The following DNAJC5B variants were observed in gnomAD, a reference collection of about 807,000 sequenced individuals.
The protein encoded by DNAJC5B is dnaJ homolog subfamily C member 5B.
Under a neutral mutation model 24.7 loss-of-function variants are expected in DNAJC5B, and 23 were observed. The ratio of observed to expected loss-of-function variants is 0.93; its 90% CI spans 0.67 to 1.32. The LOEUF is 1.32. Ranked by LOEUF, DNAJC5B falls within the 40% of genes most tolerant of loss-of-function variation. The pLI is 0.00. For missense variants in DNAJC5B, 238 were observed against 240.8 expected (o/e 0.99, Z 0.08); for synonymous variants, 101 against 90.1 (o/e 1.12, Z -0.68).
At chr8:66,093,469 T>A (rs1376126156) in intron 5 of DNAJC5B, among the ~76,000 whole-genome samples, 1 of 152,176 alleles carries the variant, frequency 6.6e-6, no homozygotes, top group Admixed American at 6.5e-5. Context: ...GTGGTTCTAA[T>A]TTTTATCTCC....
At chr8:66,054,886 G>T (rs1449868743) in intron 3 of DNAJC5B, among the ~76,000 whole-genome samples, 1 of 152,132 alleles carries the variant, frequency 6.6e-6, no homozygotes, top group Non-Finnish European at 1.5e-5. Context: ...GCTGGGGTAG[G>T]GGAGGTGGGA....
At chr8:66,023,462 G>A (rs1806186336) in intron 1 of DNAJC5B, among the ~76,000 whole-genome samples, 1 of 152,026 alleles carries the variant, frequency 6.6e-6, no homozygotes, top group South Asian at 2.1e-4. Flanking sequence ...TAAAACCAGG[G>A]AAATTGACTA....
chr8:66,087,838 C>G (rs1202876282), intron 5 of DNAJC5B, among the ~76,000 whole-genome samples: 1 of 152,144 alleles, frequency 6.6e-6, no homozygotes, highest in Non-Finnish European at 1.5e-5. Flanking sequence ...CAGGGTACAG[C>G]CCCTGCAGCT....
At chr8:66,099,854 C>A in intron 5 of DNAJC5B, 83 bp from the exon 6 acceptor site, 3 of 1,255,686 alleles carry the variant, frequency 2.4e-6, no homozygotes, top group South Asian at 1.4e-5. Flanking sequence ...GTCATGAATT[C>A]AACAAAAATA....
At chr8:66,031,448 G>A (rs1391449648) in intron 1 of DNAJC5B, among the ~76,000 whole-genome samples, 1 of 152,124 alleles carries the variant, frequency 6.6e-6, no homozygotes, top group Non-Finnish European at 1.5e-5. Context: ...ATCATTAAAA[G>A]CAACCTATTT....
At chr8:66,039,787 C>A (rs1169622540) in intron 1 of DNAJC5B, among the ~76,000 whole-genome samples, 2 of 152,144 alleles carry the variant, frequency 1.3e-5, no homozygotes, top group Non-Finnish European at 2.9e-5. Flanking sequence ...AAAGGGGGAA[C>A]AATTCCCATT....
intron 1 of DNAJC5B, among the ~76,000 whole-genome samples, chr8:66,035,281 T>A (rs1416784637): frequency 6.6e-6 from 1 of 152,208 alleles, no homozygotes; most frequent in African/African-American, 2.4e-5. Flanking sequence ...AACTTTACAA[T>A]CCTGTTGTGG....
At chr8:66,061,662 T>C (rs1248687557) in intron 3 of DNAJC5B, among the ~76,000 whole-genome samples, 1 of 152,008 alleles carries the variant, frequency 6.6e-6, no homozygotes, top group Non-Finnish European at 1.5e-5. Flanking sequence ...ACTTAGATTA[T>C]GTGACATTTA....
At chr8:66,067,175 A>AAC in intron 3 of DNAJC5B, among the ~76,000 whole-genome samples, 1 of 140,452 alleles carries the variant, frequency 7.1e-6, no homozygotes, top group Admixed American at 7.2e-5. Context: ...GAAAGAACAC[A>AAC]CCCCCCACCC....
chr8:66,083,350 C>T (rs939071447), intron 5 of DNAJC5B, among the ~76,000 whole-genome samples: 5 of 152,012 alleles, frequency 3.3e-5, no homozygotes, highest in Non-Finnish European at 7.4e-5. Context: ...GAAAAATCTG[C>T]CTTTCCTCTA....
At chr8:66,042,929 G>T (rs1435973015) in intron 1 of DNAJC5B, among the ~76,000 whole-genome samples, 2 of 151,938 alleles carry the variant, frequency 1.3e-5, no homozygotes, top group Non-Finnish European at 2.9e-5. Flanking sequence ...GGACCCCACT[G>T]TGCCAAATTC....
At chr8:66,018,418 G>C (rs1806019506), upstream of DNAJC5B, among the ~76,000 whole-genome samples, 1 of 152,128 alleles carries the variant, frequency 6.6e-6, no homozygotes, top group Admixed American at 6.5e-5. Flanking sequence ...TACTAAGGAA[G>C]CTGAGGCAGA....
intron 3 of DNAJC5B, among the ~76,000 whole-genome samples, chr8:66,062,818 T>C (rs1316641818): frequency 4.0e-5 from 6 of 151,690 alleles, no homozygotes; most frequent in Admixed American, 3.9e-4. Context: ...CAGAGCGAGA[T>C]CCTGTCTCTA....
upstream of DNAJC5B, among the ~76,000 whole-genome samples, chr8:66,019,347 A>C (rs758035158): frequency 3.3e-5 from 5 of 152,232 alleles, no homozygotes; most frequent in Non-Finnish European, 7.3e-5. Flanking sequence ...CACACACTGC[A>C]TATCTTTTTT....
chr8:66,080,273 G>GTGTTC, intron 4 of DNAJC5B, 104 bp from the exon 5 acceptor site: 1 of 1,485,220 alleles, frequency 6.7e-7, no homozygotes, highest in Non-Finnish European at 9.1e-7. Flanking sequence ...GAACTGTGAA[G>GTGTTC]TGTTCAGGTC....
chr8:66,049,088 C>A (rs1806789661), intron 2 of DNAJC5B, among the ~76,000 whole-genome samples: 2 of 152,232 alleles, frequency 1.3e-5, no homozygotes, highest in African/African-American at 4.8e-5. Flanking sequence ...CTAGCCCACA[C>A]TTTAGGCTTC....
At chr8:66,064,911 T>C (rs544580921) in intron 3 of DNAJC5B, among the ~76,000 whole-genome samples, 1 of 152,312 alleles carries the variant, frequency 6.6e-6, no homozygotes, top group South Asian at 2.1e-4. Flanking sequence ...AACTGGCTCT[T>C]AATCAGCCAT....
intron 1 of DNAJC5B, among the ~76,000 whole-genome samples, chr8:66,033,693 C>T (rs1193746598): frequency 6.7e-6 from 1 of 148,978 alleles, no homozygotes; most frequent in Non-Finnish European, 1.5e-5. Context: ...AACACTTCCA[C>T]AAGGAAACAC....
chr8:66,033,895 T>A (rs1806416848), intron 1 of DNAJC5B, among the ~76,000 whole-genome samples: 1 of 151,426 alleles, frequency 6.6e-6, no homozygotes, highest in African/African-American at 2.4e-5. Flanking sequence ...TTGGATGGTG[T>A]CCAGAGATGT....
Sources: gnomAD v4.1 joint callset for allele counts (sites outside exome capture counted in the v4.1 genomes callset) on GRCh38, gnomAD v4.1.1 for gene constraint, MANE v1.5 for transcripts, NCBI Gene and HGNC (gene_info 2026-07-23, HGNC 2026-07-21) for gene names.